The following METTL21A variants were observed in gnomAD, a reference collection of about 807,000 sequenced individuals.
METTL21A encodes the protein methyltransferase 21A, HSPA lysine, also known as protein N-lysine methyltransferase METTL21A.
METTL21A carries 22 observed loss-of-function variants against 20.9 expected under a neutral mutation model. The observed-to-expected ratio is 1.05, with a 90% CI of 0.75 to 1.50. The LOEUF (loss-of-function observed/expected upper bound fraction) is 1.50, where lower values mean the gene tolerates loss of function less well. METTL21A is among the 40% of genes most tolerant of loss of function. The pLI is 0.00. For missense variants in METTL21A, 271 were observed against 266.8 expected, an observed-to-expected ratio of 1.02 and a Z score of -0.11; for synonymous variants, 93 against 102.0, an observed-to-expected ratio of 0.91 and a Z score of 0.53.
chr2:207,619,157 T>C (rs542048269), intron 3 of METTL21A, among the ~76,000 whole-genome samples: 2 of 146,898 alleles, frequency 1.4e-5, no homozygotes, highest in Non-Finnish European at 3.0e-5. Flanking sequence ...CCTATATTAA[T>C]ATCTACATAG....
At chr2:207,622,672 T>G (rs2090634218) in intron 2 of METTL21A, among the ~76,000 whole-genome samples, 1 of 152,244 alleles carries the variant, frequency 6.6e-6, no homozygotes, top group African/African-American at 2.4e-5. Context: ...CTGATGGTCA[T>G]CGCCCCACAG....
intron 3 of METTL21A, among the ~76,000 whole-genome samples, chr2:207,613,784 G>A (rs2089307800): frequency 6.6e-6 from 1 of 152,198 alleles, no homozygotes; most frequent in Admixed American, 6.5e-5. Context: ...AGGAGTTGGA[G>A]ACCAGCCTGG....
intron 3 of METTL21A, chr2:207,603,040 C>T (rs1439127569): frequency 4.7e-6 from 1 of 213,808 alleles, no homozygotes; most frequent in Non-Finnish European, 9.4e-6. Flanking sequence ...ACTGTCAGCA[C>T]AAAACAGGGT....
chr2:207,622,025 C>T, intron 2 of METTL21A, 108 bp from the exon 3 acceptor site: 2 of 892,604 alleles, frequency 2.2e-6, no homozygotes, highest in East Asian at 5.2e-5. Context: ...GGTTCAATTC[C>T]CAGCTTAACA....
intron 3 of METTL21A, among the ~76,000 whole-genome samples, chr2:207,615,455 T>C (rs887194982): frequency 4.6e-5 from 7 of 151,974 alleles, no homozygotes; most frequent in African/African-American, 1.7e-4. Context: ...CCCAGCACTT[T>C]GGGAGGCCGA....
At chr2:207,589,596 G>C (rs181853607) in intron 3 of METTL21A, among the ~76,000 whole-genome samples, 9 of 152,290 alleles carry the variant, frequency 5.9e-5, no homozygotes, top group Admixed American at 4.6e-4. Context: ...TAGGGTCTCT[G>C]TAAAAAGCTC....
chr2:207,599,433 C>CAAA (rs1310414192), intron 3 of METTL21A: 1 of 200,088 alleles, frequency 5.0e-6, no homozygotes, highest in Non-Finnish European at 1.0e-5. Flanking sequence ...TTCAAAAGTT[C>CAAA]AGGCTTTCTA....
chr2:207,583,212 G>A (rs919919295), intron 3 of METTL21A, among the ~76,000 whole-genome samples: 5 of 152,062 alleles, frequency 3.3e-5, no homozygotes, highest in African/African-American at 9.7e-5. Flanking sequence ...AGGGACTTGA[G>A]CATCTGTGGA....
chr2:207,617,311 T>G (rs1343047082), intron 3 of METTL21A, among the ~76,000 whole-genome samples: 2 of 151,562 alleles, frequency 1.3e-5, no homozygotes, highest in South Asian at 2.1e-4. Flanking sequence ...GGAAGAAAAA[T>G]AATAGAAACA....
chr2:207,583,686 TATAC>T (rs2083328012), intron 3 of METTL21A, among the ~76,000 whole-genome samples: 1 of 152,192 alleles, frequency 6.6e-6, no homozygotes, highest in Non-Finnish European at 1.5e-5. Context: ...TAAATTTGCA[TATAC>T]ATAAGTTCAC....
At chr2:207,609,070 T>C (rs1267128754), downstream of METTL21A, 1 of 152,238 alleles carries the variant, frequency 6.6e-6, no homozygotes, top group African/African-American at 2.4e-5. Context: ...TTCCATTTCA[T>C]GTGTATTAGA....
downstream of METTL21A, among the ~76,000 whole-genome samples, chr2:207,605,169 G>T (rs940612818): frequency 6.6e-6 from 1 of 152,086 alleles, no homozygotes; most frequent in Non-Finnish European, 1.5e-5. Context: ...CAGCTGTACC[G>T]TTTTACCTTC....
intron 3 of METTL21A, among the ~76,000 whole-genome samples, chr2:207,593,780 G>A (rs919782374): frequency 5.4e-5 from 8 of 146,954 alleles, no homozygotes; most frequent in East Asian, 2.0e-4. Flanking sequence ...GTGCAGTGGC[G>A]CTATCTTGGC....
chr2:207,594,656 T>G (rs1297935405), intron 3 of METTL21A, among the ~76,000 whole-genome samples: 2 of 152,220 alleles, frequency 1.3e-5, no homozygotes, highest in Non-Finnish European at 2.9e-5. Context: ...TCTTGGCTAT[T>G]GTGAATAATG....
downstream of METTL21A, among the ~76,000 whole-genome samples, chr2:207,605,704 ACAGTTTAAC>A (rs1389515500): frequency 6.6e-6 from 1 of 152,208 alleles, no homozygotes; most frequent in African/African-American, 2.4e-5. Flanking sequence ...TTGTACAGAT[ACAGTTTAAC>A]CAGTCCTCTT....
chr2:207,624,640 C>T, intron 1 of METTL21A: 1 of 325,562 alleles, frequency 3.1e-6, no homozygotes, highest in African/African-American at 2.2e-5. Flanking sequence ...CCAGAACATT[C>T]CAACTTCCGC....
intron 3 of METTL21A, among the ~76,000 whole-genome samples, chr2:207,583,124 A>C (rs991308204): frequency 6.6e-6 from 1 of 152,160 alleles, no homozygotes; most frequent in Non-Finnish European, 1.5e-5. Flanking sequence ...ATTAAATATT[A>C]TAAGTAATCT....
intron 3 of METTL21A, among the ~76,000 whole-genome samples, chr2:207,590,080 GAA>G (rs2084679514): frequency 1.0e-5 from 1 of 97,914 alleles, no homozygotes; most frequent in Non-Finnish European, 2.0e-5. Context: ...TCTATTTTGA[GAA>G]GTTTTTTTTT....
intron 3 of METTL21A, chr2:207,596,839 GAA>G: frequency 1.5e-6 from 2 of 1,363,556 alleles, no homozygotes; most frequent in Admixed American, 2.5e-5. Context: ...CTTTAAAAAA[GAA>G]AAAAAAAAGG....
Sources: gnomAD v4.1 joint callset for allele counts (sites outside exome capture counted in the v4.1 genomes callset) on GRCh38, gnomAD v4.1.1 for gene constraint, MANE v1.5 for transcripts, NCBI Gene and HGNC (gene_info 2026-07-23, HGNC 2026-07-21) for gene names.